CD96: variants seen among roughly 807,000 people sequenced by gnomAD.
The protein encoded by CD96 is CD96 molecule.
In CD96, 70 loss-of-function variants were observed where a neutral mutation model predicts 71.3. The ratio of observed to expected loss-of-function variants is 0.98; its 90% CI spans 0.81 to 1.20. The LOEUF is 1.20. Ranked by LOEUF, CD96 falls within the 50% of genes most tolerant of loss-of-function variation. The pLI is 0.00. For synonymous variants in CD96, 248 were observed against 233.0 expected (o/e 1.06, Z -0.59); for missense variants, 742 against 677.5 (o/e 1.10, Z -1.06).
intron 2 of CD96, among the ~76,000 whole-genome samples, chr3:111,564,496 C>T (rs1029762140): frequency 2.6e-5 from 4 of 151,986 alleles, no homozygotes; most frequent in Non-Finnish European, 5.9e-5. Flanking sequence ...AACCCTTTCT[C>T]GAATTTCGTT....
rs1940101735 is a variant in CD96, at chr3:111,651,908, G to GAAAT, written c.*2105_*2106insTAAA. The GAAAT allele has an allele frequency of 1.3e-5, 2 of 150,018 alleles. No homozygotes were observed. Among genetic ancestry groups the GAAAT allele is most frequent in the African/African-American group, 4.9e-5 (2 of 40,772 alleles). The allele number at this position is 150,018 out of a possible 1,614,324, so 9.3% of individuals were successfully genotyped here. A position where few individuals can be genotyped will look rare whatever the true frequency, so the allele number is the denominator to read the frequency against. ...CAAAAAAAAAAAAAAAAGAAAGAAA[G>GAAAT]AAAGAAAGAAAGAAATCTACCTGTC... On this transcript the variant is annotated 3_prime_UTR_variant, in exon 14 of 14. Coordinates refer to ENST00000352690, the MANE Select transcript of CD96 (RefSeq NM_005816.5).
At chr3:111,572,551 G>T (rs1453472120) in intron 3 of CD96, among the ~76,000 whole-genome samples, 1 of 152,054 alleles carries the variant, frequency 6.6e-6, no homozygotes, top group Admixed American at 6.6e-5. Context: ...TAAGCCTATT[G>T]TTCTTACAAA....
downstream of CD96, among the ~76,000 whole-genome samples, chr3:111,652,865 C>T (rs1051932365): frequency 6.6e-6 from 1 of 151,874 alleles, no homozygotes; most frequent in Non-Finnish European, 1.5e-5. Context: ...ACCAGCAACT[C>T]CTGTCTCTGT....
intron 10 of CD96, among the ~76,000 whole-genome samples, chr3:111,630,876 T>C (rs1181361892): frequency 2.0e-5 from 3 of 152,194 alleles, no homozygotes; most frequent in African/African-American, 7.2e-5. Flanking sequence ...ATAAATGTGA[T>C]TCATCACATA....
At chr3:111,623,845 A>C in intron 9 of CD96, 23 bp downstream of exon 9, 1 of 1,521,634 alleles carries the variant, frequency 6.6e-7, no homozygotes, top group Non-Finnish European at 9.1e-7. Flanking sequence ...AAGTTTTCCT[A>C]CATGATTGGA....
intron 7 of CD96, among the ~76,000 whole-genome samples, chr3:111,601,929 G>A (rs1016768625): frequency 2.0e-5 from 3 of 152,174 alleles, no homozygotes; most frequent in Admixed American, 6.5e-5. Flanking sequence ...TTCTGATGCC[G>A]GGGCACTGGC....
intron 8 of CD96, among the ~76,000 whole-genome samples, chr3:111,617,529 T>C (rs1021210897): frequency 6.6e-6 from 1 of 152,164 alleles, no homozygotes; most frequent in Non-Finnish European, 1.5e-5. Flanking sequence ...ACTATGGGTC[T>C]CCTCATCCAG....
intron 12 of CD96, among the ~76,000 whole-genome samples, chr3:111,644,196 G>A (rs929862565): frequency 2.0e-4 from 30 of 152,034 alleles, no homozygotes; most frequent in African/African-American, 7.2e-4. Flanking sequence ...CTTCAACAAA[G>A]CAAACAAAAA....
intron 3 of CD96, chr3:111,570,757 C>G (rs1047305662): frequency 1.9e-6 from 3 of 1,613,426 alleles, no homozygotes; most frequent in Admixed American, 1.7e-5. Context: ...TCCTCCTCCC[C>G]CTCCTCATCC....
intron 8 of CD96, among the ~76,000 whole-genome samples, chr3:111,607,733 G>A (rs974496710): frequency 6.6e-6 from 1 of 152,172 alleles, no homozygotes; most frequent in Admixed American, 6.5e-5. Flanking sequence ...ATACTTCTCA[G>A]AAAATGAAGC....
chr3:111,598,134 CT>C lies in CD96; in HGVS notation c.824del (p.Leu275TyrfsTer2). 6.9e-7 allele frequency: 1 copy of C among 1,439,294 alleles called. No individual in the cohort carries two copies. The highest frequency in any genetic ancestry group is 9.8e-7 in the Non-Finnish European group (1 of 1,021,460). 89.2% of individuals were successfully genotyped at this position (1,439,294 alleles called of 1,614,324 possible). On this transcript the variant is annotated frameshift_variant, in exon 6 of 14. Transcript: ENST00000352690. LOFTEE classifies it high-confidence loss of function. ...DVLVERRFTC[L>X]LKNVFPKANI... is the part of the protein sequence containing the mutation. ...CTTTACCCCAGAGAAGATTTACCTG[CT>C]TACTAAAGAATGTATTTCCCAAAGC...
At chr3:111,581,054 C>G (rs1936441021) in intron 4 of CD96, among the ~76,000 whole-genome samples, 1 of 152,120 alleles carries the variant, frequency 6.6e-6, no homozygotes, top group African/African-American at 2.4e-5. Context: ...CATTAAAACA[C>G]CTCTATCTTG....
At chr3:111,613,762 T>C (rs928985107) in intron 8 of CD96, among the ~76,000 whole-genome samples, 1 of 152,220 alleles carries the variant, frequency 6.6e-6, no homozygotes, top group Non-Finnish European at 1.5e-5. Context: ...TGGAAATATT[T>C]CTATTTGAGA....
At chr3:111,608,883 C>T (rs1937761867) in intron 8 of CD96, among the ~76,000 whole-genome samples, 1 of 152,130 alleles carries the variant, frequency 6.6e-6, no homozygotes, top group Non-Finnish European at 1.5e-5. Context: ...AGGTTGCAGT[C>T]TACTTGGAAG....
intron 9 of CD96, 136 bp downstream of exon 9, chr3:111,623,958 G>C: frequency 1.4e-6 from 1 of 726,822 alleles, no homozygotes; most frequent in South Asian, 1.5e-5. Flanking sequence ...CTTGGTTTTG[G>C]GTTACTCTGC....
intron 3 of CD96, among the ~76,000 whole-genome samples, chr3:111,575,654 C>T (rs1559730334): frequency 6.6e-6 from 1 of 152,214 alleles, no homozygotes; most frequent in African/African-American, 2.4e-5. Context: ...CATTTATTCT[C>T]TCAAGTTCTG....
intron 3 of CD96, chr3:111,570,529 T>C (rs1241872463): frequency 9.5e-7 from 1 of 1,048,906 alleles, no homozygotes; most frequent in Non-Finnish European, 1.4e-6. Context: ...GGGACGCATG[T>C]GTGTTAACTG....
intron 5 of CD96, among the ~76,000 whole-genome samples, chr3:111,591,416 A>G (rs1936981628): frequency 6.8e-6 from 1 of 147,546 alleles, no homozygotes; most frequent in African/African-American, 2.5e-5. Context: ...CCTAAATACC[A>G]CACTGGTTGG....
rs116377096 is a variant in CD96, at chr3:111,572,582, A to G, written c.543+4935A>G. Among the ~76,000 whole-genome samples the G allele has an allele frequency of 5.1e-3, 772 of 152,334 alleles. 5 individuals carry two copies. The highest frequency in any genetic ancestry group is 0.018 in the African/African-American group (731 of 41,578). ...ACAAACATATATAATCTCTTTAGAA[A>G]GAGATTACAACATAGAAATGATGAA... is the stretch of plus-strand genomic sequence containing the variant. On this transcript the variant is annotated intron_variant, in intron 3 of 13. Coordinates refer to ENST00000352690, the MANE Select transcript of CD96 (RefSeq NM_005816.5).
Sources: allele counts gnomAD v4.1 joint callset (sites outside exome capture counted in the v4.1 genomes callset), GRCh38; gene constraint gnomAD v4.1.1; transcripts MANE v1.5; gene names NCBI Gene and HGNC (gene_info 2026-07-23, HGNC 2026-07-21).